SMAD5: variants seen among roughly 807,000 people sequenced by gnomAD.
SMAD5 encodes the protein MAD, mothers against decapentaplegic homolog 5.
Under a neutral mutation model 43.1 loss-of-function variants are expected in SMAD5, and 9 were observed. The ratio of observed to expected loss-of-function variants is 0.21; its 90% CI spans 0.13 to 0.36. The LOEUF (loss-of-function observed/expected upper bound fraction) is 0.36. SMAD5 is among the 10% of genes least tolerant of loss of function. The probability of loss-of-function intolerance (pLI) is 1.00; values close to 1 mark genes in which losing one functional copy is unlikely to be tolerated. For missense variants in SMAD5, 348 were observed against 574.0 expected, an observed-to-expected ratio of 0.61 and a Z score of 4.02; for synonymous variants, 190 against 192.4, an observed-to-expected ratio of 0.99 and a Z score of 0.10.
chr5:136,175,646 A>G (rs1038811638), intron 7 of SMAD5, among the ~76,000 whole-genome samples: 8 of 152,202 alleles, frequency 5.3e-5, no homozygotes, highest in East Asian at 1.9e-4. Flanking sequence ...CTGTATCTAC[A>G]TGGTTCTTAA....
chr5:136,172,409 CTT>C (rs747771324), intron 5 of SMAD5, 23 bp from the exon 6 acceptor site: 1 of 1,398,460 alleles, frequency 7.2e-7, no homozygotes, highest in South Asian at 1.2e-5. Context: ...GTATTAAACT[CTT>C]TCTGTGTCTG....
chr5:136,160,801 A>G, intron 3 of SMAD5, 55 bp from the exon 4 acceptor site: 3 of 1,577,266 alleles, frequency 1.9e-6, no homozygotes, highest in Non-Finnish European at 2.6e-6. Flanking sequence ...CTTAGTGTGG[A>G]TGGGGCATTT....
chr5:136,156,087 C>T (rs941886034), intron 3 of SMAD5, among the ~76,000 whole-genome samples: 7 of 152,158 alleles, frequency 4.6e-5, no homozygotes, highest in African/African-American at 1.4e-4. Flanking sequence ...GGGCCAAGGT[C>T]TTATCAGAAG....
At chr5:136,147,449 A>G (rs1448253757) in intron 1 of SMAD5, 2 of 151,872 alleles carry the variant, frequency 1.3e-5, no homozygotes, top group Admixed American at 1.3e-4. Context: ...CAGGAATATG[A>G]AGAACAATTA....
intron 4 of SMAD5, 123 bp downstream of exon 4, chr5:136,161,230 ATTCT>A (rs1340282384): frequency 2.4e-6 from 2 of 822,898 alleles, no homozygotes; most frequent in Admixed American, 2.9e-5. Context: ...CTGACTCTTT[ATTCT>A]TTAGGTAATT....
In SMAD5 at chr5:136,154,032, G is replaced by A; in HGVS notation, c.272G>A (p.Arg91His). 6.2e-7 allele frequency: 1 copy of A among 1,608,826 alleles called. No individual in the cohort carries two copies. The highest frequency in any genetic ancestry group is 8.5e-7 in the Non-Finnish European group (1 of 1,178,106). ...RKGLPHVIYC[R>H]VWRWPDLQSH... is the part of the protein sequence containing the mutation. ...GGCTTACCCCATGTTATATATTGTC[G>A]TGTTTGGCGCTGGCCGGATTTGCAG... The change falls in exon 3 of 8, where the codon CGT (arginine) becomes CAT (histidine). Residue 91 changes from arginine (R) to histidine (H), a missense_variant. Coordinates refer to ENST00000545279, the MANE Select transcript of SMAD5 (RefSeq NM_005903.7).
intron 5 of SMAD5, among the ~76,000 whole-genome samples, chr5:136,165,272 T>C (rs1489173112): frequency 6.6e-6 from 1 of 152,114 alleles, no homozygotes; most frequent in African/African-American, 2.4e-5. Flanking sequence ...CTTAGCATCC[T>C]GAGTAGCTGG....
rs528965026 is a variant in SMAD5 at position 136,161,147 on chromosome 5, C to T, written c.655+40C>T. ...TATTGATACCAAAAAAAAAAAAATT[C>T]CTAAGAATCACAGTTGTTCTTACTG... On this transcript the variant is annotated intron_variant, in intron 4 of 7. Coordinates refer to ENST00000545279, the MANE Select transcript of SMAD5 (RefSeq NM_005903.7). The T allele has an allele frequency of 3.2e-6, 5 of 1,555,754 alleles. No homozygotes were observed. The South Asian group carries it at 4.6e-5, about 14-fold the overall frequency.
In SMAD5 at chr5:136,163,383, C is replaced by G. The variant is rs1753891782; in HGVS notation, c.767C>G (p.Ser256Cys). ...NMIPQIMPSI[S>C]SRDVQPVAYE... The stretch of plus-strand genomic sequence containing the variant: ...ATTCCTCAGATTATGCCCAGTATAT[C>G]CAGCAGGGGTAAGAGAAGTACTCAC... Residue 256 changes from serine (S) to cysteine (C), a missense_variant, in exon 5 of 8, where the codon TCC (serine) becomes TGC (cysteine). Transcript: ENST00000545279. 1 of 1,604,132 alleles carries G rather than the reference C, an allele frequency of 6.2e-7. No homozygotes were observed. Among genetic ancestry groups the G allele is most frequent in the Non-Finnish European group, 8.5e-7 (1 of 1,174,912 alleles).
In SMAD5 at chr5:136,163,253, T is replaced by C. The variant is rs1403512440; in HGVS notation, c.656-19T>C. The C allele has an allele frequency of 3.2e-6, 5 of 1,564,400 alleles. No homozygotes were observed. The highest frequency in any genetic ancestry group is 4.3e-6 in the Non-Finnish European group (5 of 1,162,612). On this transcript the variant is annotated intron_variant, in intron 4 of 7. Coordinates refer to ENST00000545279, the MANE Select transcript of SMAD5 (RefSeq NM_005903.7). ...TTGAGCAGAATGAAGATTTTAATTA[T>C]TATTTTTTTTCCTCTTAGCTGATAC...
At chr5:136,142,355 G>A (rs548590530) in intron 1 of SMAD5, among the ~76,000 whole-genome samples, 24 of 152,164 alleles carry the variant, frequency 1.6e-4, no homozygotes, top group Non-Finnish European at 3.1e-4. Flanking sequence ...TAATGTGATA[G>A]ATTCATTTGT....
At chr5:136,144,507 A>G (rs552508251) in intron 1 of SMAD5, among the ~76,000 whole-genome samples, 3 of 152,026 alleles carry the variant, frequency 2.0e-5, no homozygotes, top group East Asian at 3.9e-4. Context: ...ATTGCAAAAG[A>G]AAATAGCTTG....
At chr5:136,173,000 A>C (rs538606375) in intron 6 of SMAD5, among the ~76,000 whole-genome samples, 1 of 152,212 alleles carries the variant, frequency 6.6e-6, no homozygotes, top group Non-Finnish European at 1.5e-5. Context: ...TACACAACAC[A>C]TATTTATGGA....
intron 7 of SMAD5, among the ~76,000 whole-genome samples, chr5:136,176,461 A>C (rs1449737496): frequency 1.5e-5 from 1 of 65,886 alleles, no homozygotes; most frequent in Non-Finnish European, 3.2e-5. Context: ...GTCTCACAAA[A>C]AAAAAAAAAA....
chr5:136,177,664 T>C lies in SMAD5; in HGVS notation c.*184T>C. The stretch of plus-strand genomic sequence containing the variant: ...ACATTTGTTTGTATTCATGTTCATG[T>C]GATTAACTCTTAGAAGTGTTGTAAA... On this transcript the variant is annotated 3_prime_UTR_variant, in exon 8 of 8. Coordinates refer to ENST00000545279, the MANE Select transcript of SMAD5 (RefSeq NM_005903.7). 1 of 540,640 alleles carries C rather than the reference T, an allele frequency of 1.8e-6. No individual in the cohort carries two copies. Among genetic ancestry groups the C allele is most frequent in the Admixed American group, 3.5e-5 (1 of 28,606 alleles). The allele number at this position is 540,640 out of a possible 1,614,324, so 33.5% of individuals were successfully genotyped here. A position where few individuals can be genotyped will look rare whatever the true frequency, so the allele number is the denominator to read the frequency against.
chr5:136,180,749 G>A lies in SMAD5; in HGVS notation c.*3269G>A, dbSNP rs1262465267. 1 of 152,128 alleles carries A rather than the reference G, an allele frequency of 6.6e-6. No individual in the cohort carries two copies. Among genetic ancestry groups the A allele is most frequent in the Non-Finnish European group, 1.5e-5 (1 of 67,988 alleles). The allele number at this position is 152,128 out of a possible 1,614,324, so 9.4% of individuals were successfully genotyped here. A position where few individuals can be genotyped will look rare whatever the true frequency, so the allele number is the denominator to read the frequency against. On this transcript the variant is annotated 3_prime_UTR_variant, in exon 8 of 8. Coordinates refer to ENST00000545279, the MANE Select transcript of SMAD5 (RefSeq NM_005903.7). ...TAATAGAATTGGTTGGGTTTCTGAG[G>A]TGAAATCCAGAGTAAGAGTACTAGA...
rs189256736 is a variant in SMAD5, at chr5:136,180,318, T to C, written c.*2838T>C. The C allele has an allele frequency of 3.9e-5, 6 of 152,318 alleles. No individual in the cohort carries two copies. In the East Asian group the frequency reaches 1.2e-3, roughly 29 times the overall value. The allele number at this position is 152,318 out of a possible 1,614,324, so 9.4% of individuals were successfully genotyped here. ...TACAGAATGTTTTATAGTAAAATTC[T>C]AGCACCACTAGAATAATCACATAGC... On this transcript the variant is annotated 3_prime_UTR_variant, in exon 8 of 8. Transcript: ENST00000545279.
chr5:136,175,133 C>T (rs1277951835), intron 7 of SMAD5, among the ~76,000 whole-genome samples: 2 of 152,242 alleles, frequency 1.3e-5, no homozygotes, highest in South Asian at 2.1e-4. Context: ...ATAAAACTAT[C>T]GGATCTTATG....
chr5:136,164,290 G>A (rs967783567), intron 5 of SMAD5, among the ~76,000 whole-genome samples: 5 of 152,126 alleles, frequency 3.3e-5, no homozygotes, highest in African/African-American at 1.2e-4. Flanking sequence ...TGAATAACAT[G>A]GTAAGTTTAA....
Sources: allele counts gnomAD v4.1 joint callset (sites outside exome capture counted in the v4.1 genomes callset), GRCh38; gene constraint gnomAD v4.1.1; transcripts MANE v1.5; gene names NCBI Gene and HGNC (gene_info 2026-07-23, HGNC 2026-07-21).